The following KATNIP variants were observed in gnomAD, a reference collection of about 807,000 sequenced individuals.
KATNIP encodes the protein katanin interacting protein.
A neutral mutation model predicts 174.0 loss-of-function variants in KATNIP; 126 were observed. The observed-to-expected ratio is 0.72, with a 90% confidence interval of 0.63 to 0.84. The LOEUF (loss-of-function observed/expected upper bound fraction) is 0.84. Ranked by LOEUF, KATNIP falls within the 40% of genes least tolerant of loss-of-function variation. The pLI, the probability that KATNIP is intolerant of heterozygous loss-of-function variation, is 0.00. For synonymous variants in KATNIP, 810 were observed against 835.7 expected, an observed-to-expected ratio of 0.97 and a Z score of 0.53; for missense variants, 1,958 against 2,109.7, an observed-to-expected ratio of 0.93 and a Z score of 1.41.
Position 27,677,876 on chromosome 16 carries a change from CG to C in KATNIP, c.689del (p.Arg230ProfsTer68). On this transcript the variant is annotated frameshift_variant, in exon 7 of 28. Coordinates refer to ENST00000261588, the MANE Select transcript of KATNIP (RefSeq NM_015202.5). LOFTEE classifies it high-confidence loss of function. ...ACTGGTGGGCCATCCCAGACATGAC[CG>C]CCCTCCTTCCAGTGGCGACTGGACT... ...PALVGHPRHD[R>X]PPSSGDWTQK... 1 of 1,614,206 alleles carries C rather than the reference CG, an allele frequency of 6.2e-7. No homozygotes were observed. The highest frequency in any genetic ancestry group is 2.2e-5 in the East Asian group (1 of 44,882).
intron 1 of KATNIP, among the ~76,000 whole-genome samples, chr16:27,562,320 A>G (rs564394661): frequency 3.3e-4 from 50 of 152,276 alleles, no homozygotes; most frequent in African/African-American, 1.2e-3. Flanking sequence ...CAAAAAAATA[A>G]TAATGGTGAT....
intron 14 of KATNIP, among the ~76,000 whole-genome samples, chr16:27,728,920 C>T (rs919829711): frequency 2.6e-5 from 4 of 152,210 alleles, no homozygotes; most frequent in African/African-American, 9.7e-5. Flanking sequence ...GGGCTGCTCA[C>T]CCAGGTGTAA....
At position 27,621,559 on chromosome 16, in the gene KATNIP, C is replaced by T. The variant is rs73535015; in HGVS notation, c.140+3058C>T. On this transcript the variant is annotated intron_variant, in intron 3 of 27. Coordinates refer to ENST00000261588, the MANE Select transcript of KATNIP (RefSeq NM_015202.5). The stretch of plus-strand genomic sequence containing the variant: ...CATTGGCCTGGCATGGGCCCAATTC[C>T]ATCCCAAGCTACGTTAGGCCATTTT... Among the ~76,000 whole-genome samples, 541 of 152,234 alleles carry T rather than the reference C, an allele frequency of 3.6e-3. 4 individuals carry two copies. Among genetic ancestry groups the T allele is most frequent in the African/African-American group, 0.013 (522 of 41,528 alleles).
chr16:27,614,584 C>T (rs1048160516), intron 2 of KATNIP, among the ~76,000 whole-genome samples: 1 of 152,234 alleles, frequency 6.6e-6, no homozygotes, highest in Non-Finnish European at 1.5e-5. Context: ...ACTGAGATTA[C>T]AGGCGTGAGC....
rs554446492 is a variant in KATNIP, at chr16:27,572,876, G to A, written c.8-1025G>A. Reference sequence around the variant, plus strand: ...TACACATTGGCCTTAGAGTCTGGCCGTGGCCAGCGGTTCTTCCTAGGCCTT... The same window carrying A: ...TACACATTGGCCTTAGAGTCTGGCCATGGCCAGCGGTTCTTCCTAGGCCTT... On this transcript the variant is annotated intron_variant, in intron 1 of 27. Coordinates refer to ENST00000261588, the MANE Select transcript of KATNIP (RefSeq NM_015202.5). Among the ~76,000 whole-genome samples the A allele has an allele frequency of 2.2e-4, 34 of 152,296 alleles. No individual in the cohort carries two copies. The East Asian group carries it at 5.4e-3, about 24-fold the overall frequency.
At chr16:27,690,852 C>T (rs1408187677) in intron 8 of KATNIP, among the ~76,000 whole-genome samples, 3 of 152,152 alleles carry the variant, frequency 2.0e-5, no homozygotes, top group East Asian at 1.9e-4. Context: ...TAGCTCCAGC[C>T]GATGGTTCCC....
At chr16:27,673,704 C>G (rs2078005903) in intron 6 of KATNIP, among the ~76,000 whole-genome samples, 1 of 152,150 alleles carries the variant, frequency 6.6e-6, no homozygotes, top group Non-Finnish European at 1.5e-5. Context: ...GCTGGATGTC[C>G]CCTGGAGTTG....
At chr16:27,667,292 G>A (rs1329391131) in intron 6 of KATNIP, among the ~76,000 whole-genome samples, 1 of 151,440 alleles carries the variant, frequency 6.6e-6, no homozygotes, top group East Asian at 1.9e-4. Flanking sequence ...TCCAGCTTGG[G>A]TGATAGAGTG....
At position 27,740,240 on chromosome 16, in the gene KATNIP, G is replaced by A; in HGVS notation, c.1943G>A (p.Gly648Asp). The stretch of plus-strand genomic sequence containing the variant: ...AGCAAAGGCACCCATGAGATGGCTG[G>A]TGCCAGCGGGGACAAGGAGCTTGGT... ...EESKGTHEMA[G>D]ASGDKELGLG... The change falls in exon 15 of 28, where the codon GGT becomes GAT. Residue 648 changes from glycine to aspartate, a missense_variant. This residue lies in a region of KATNIP where 1,557 missense variants were observed against 1,617.8 expected (regional missense o/e 0.96). Coordinates refer to ENST00000261588, the MANE Select transcript of KATNIP (RefSeq NM_015202.5). The A allele has an allele frequency of 2.5e-6, 4 of 1,614,250 alleles. No individual in the cohort carries two copies. The highest frequency in any genetic ancestry group is 3.4e-6 in the Non-Finnish European group (4 of 1,180,034).
At chr16:27,621,520 C>A (rs936808370) in intron 3 of KATNIP, among the ~76,000 whole-genome samples, 1 of 152,114 alleles carries the variant, frequency 6.6e-6, no homozygotes, top group Non-Finnish European at 1.5e-5. Context: ...AGCAAAAGTG[C>A]TGAGGAAGGT....
At chr16:27,574,303 A>G (rs189438710) in intron 2 of KATNIP, 5 of 307,612 alleles carry the variant, frequency 1.6e-5, no homozygotes, top group Non-Finnish European at 3.1e-5. Flanking sequence ...CTGTTGGACC[A>G]GGCTCCGCAT....
At chr16:27,575,637 T>C (rs2090469475) in intron 2 of KATNIP, among the ~76,000 whole-genome samples, 1 of 152,240 alleles carries the variant, frequency 6.6e-6, no homozygotes, top group Non-Finnish European at 1.5e-5. Flanking sequence ...ATCTCTGGGC[T>C]GTCCCGGCCA....
intron 2 of KATNIP, among the ~76,000 whole-genome samples, chr16:27,582,880 C>T (rs897712334): frequency 6.6e-6 from 1 of 152,160 alleles, no homozygotes; most frequent in Non-Finnish European, 1.5e-5. Context: ...ATTTACAAAG[C>T]TAATCCCTTG....
chr16:27,677,929 G>A lies in KATNIP; in HGVS notation c.741G>A (p.Glu247=), dbSNP rs779452232. 12 of 1,614,058 alleles carry A rather than the reference G, an allele frequency of 7.4e-6. No homozygotes were observed. Among genetic ancestry groups the A allele is most frequent in the African/African-American group, 1.3e-5 (1 of 74,910 alleles). Residue 247 remains glutamate, a synonymous_variant, in exon 7 of 28, where the codon GAG becomes GAA. Coordinates refer to ENST00000261588, the MANE Select transcript of KATNIP (RefSeq NM_015202.5). ...WTQKDVHGEQ[E]TEGRSSPGPD... ...AGAAAGATGTTCACGGGGAACAGGA[G>A]ACAGAAGGACGCTCTTCTCCAGGCC...
At chr16:27,555,169 T>C (rs2089564271) in intron 1 of KATNIP, among the ~76,000 whole-genome samples, 1 of 152,222 alleles carries the variant, frequency 6.6e-6, no homozygotes, top group Non-Finnish European at 1.5e-5. Context: ...ATTGTGATTC[T>C]AACTAACTAG....
At chr16:27,662,399 G>A (rs1168545212) in intron 6 of KATNIP, among the ~76,000 whole-genome samples, 1 of 151,974 alleles carries the variant, frequency 6.6e-6, no homozygotes, top group Non-Finnish European at 1.5e-5. Context: ...GACCTAGCCC[G>A]TCTGTTACCC....
At chr16:27,723,724 G>A (rs1471969327) in intron 14 of KATNIP, among the ~76,000 whole-genome samples, 6 of 152,188 alleles carry the variant, frequency 3.9e-5, no homozygotes, top group African/African-American at 1.4e-4. Flanking sequence ...GAGAGGCTAG[G>A]TGGCTTGCAC....
At chr16:27,681,163 G>A (rs1346994309) in intron 7 of KATNIP, 1 of 478,872 alleles carries the variant, frequency 2.1e-6, no homozygotes, top group Non-Finnish European at 3.8e-6. Flanking sequence ...TTGAAAACCT[G>A]TGCATGTCCT....
chr16:27,647,896 C>T (rs897980671), intron 5 of KATNIP, among the ~76,000 whole-genome samples: 1 of 152,204 alleles, frequency 6.6e-6, no homozygotes, highest in Admixed American at 6.5e-5. Flanking sequence ...AGTGATCCTC[C>T]TGCCTCGGCC....
Sources: allele counts gnomAD v4.1 joint callset (sites outside exome capture counted in the v4.1 genomes callset), GRCh38; gene constraint gnomAD v4.1.1; regional missense constraint gnomAD v4.1.1; transcripts MANE v1.5; gene names NCBI Gene and HGNC (gene_info 2026-07-23, HGNC 2026-07-21).